The following PRSS23 variants were observed in gnomAD, a reference collection of about 807,000 sequenced individuals.
The protein encoded by PRSS23 is protease, serine 23.
In PRSS23, 25 loss-of-function variants were observed where a neutral mutation model predicts 34.7. The observed-to-expected ratio is 0.72, with a 90% CI of 0.53 to 1.01. The LOEUF is 1.01. PRSS23 is among the 50% of genes least tolerant of loss of function. PRSS23 has a pLI of 0.00. For missense variants in PRSS23, 445 were observed against 475.6 expected, an observed-to-expected ratio of 0.94 and a Z score of 0.60; for synonymous variants, 176 against 186.6, an observed-to-expected ratio of 0.94 and a Z score of 0.46.
rs201486686 is a variant in PRSS23 at position 86,809,038 on chromosome 11, T to TA, written c.*251dup. The TA allele has an allele frequency of 3.4e-5, 13 of 385,440 alleles. No homozygotes were observed. Among genetic ancestry groups the TA allele is most frequent in the South Asian group, 1.2e-4 (1 of 8,484 alleles). 23.9% of individuals were successfully genotyped at this position (385,440 alleles called of 1,614,324 possible). On this transcript the variant is annotated 3_prime_UTR_variant, in exon 2 of 2. Transcript: ENST00000280258. ...TTGAAGGCATACTTTTGCATAGAAA[T>TA]AAAAAAAATACTGATTTGGGGCAAT...
At position 86,835,825 on chromosome 11, in the gene PRSS23, G is replaced by T. The variant is rs540249200; in HGVS notation, c.206+12232G>T. 1.1e-3 allele frequency among the ~76,000 whole-genome samples: 174 copies of T among 152,300 alleles called. 2 individuals are homozygous for T. Among genetic ancestry groups the T allele is most frequent in the African/African-American group, 4.1e-3 (171 of 41,562 alleles). ...GAGGAAATTTAAGAGTGCTTGGGTG[G>T]CTTGATGGCACAAGGTTTCTGAACG... On this transcript the variant is annotated intron_variant, in intron 2 of 2. Coordinates refer to the PRSS23 transcript ENST00000533902.
At chr11:86,927,555 C>T (rs1281385083) in intron 2 of PRSS23, among the ~76,000 whole-genome samples, 1 of 152,026 alleles carries the variant, frequency 6.6e-6, no homozygotes, top group Non-Finnish European at 1.5e-5. Flanking sequence ...CTATATTGCC[C>T]AGTCTGGTCT....
At chr11:86,873,813 A>G (rs190948413) in intron 2 of PRSS23, among the ~76,000 whole-genome samples, 1 of 152,338 alleles carries the variant, frequency 6.6e-6, no homozygotes, top group Admixed American at 6.5e-5. Context: ...CGGACGGAAC[A>G]TGAGAGGCAT....
At chr11:86,880,115 G>A (rs1565375009) in intron 2 of PRSS23, among the ~76,000 whole-genome samples, 1 of 152,182 alleles carries the variant, frequency 6.6e-6, no homozygotes, top group Non-Finnish European at 1.5e-5. Context: ...AAATTCTTCT[G>A]CCTTGTGATC....
chr11:86,851,321 C>G (rs1252685419), intron 2 of PRSS23, among the ~76,000 whole-genome samples: 1 of 152,214 alleles, frequency 6.6e-6, no homozygotes, highest in Non-Finnish European at 1.5e-5. Flanking sequence ...GGGGCAGGGG[C>G]AAGGGAGAGA....
intron 2 of PRSS23, among the ~76,000 whole-genome samples, chr11:86,845,735 A>AT (rs140270349): frequency 0.017 from 2,543 of 152,264 alleles, 71 homozygotes; most frequent in African/African-American, 0.058. Flanking sequence ...CAGCAAAAAA[A>AT]TTTTGCTGTA....
chr11:86,880,450 AT>A (rs1446678078), intron 2 of PRSS23, among the ~76,000 whole-genome samples: 2 of 151,686 alleles, frequency 1.3e-5, no homozygotes, highest in Non-Finnish European at 1.5e-5. Context: ...AATAAAAAAA[AT>A]AAAAAAAATA....
chr11:86,832,302 C>G (rs1194468367), intron 2 of PRSS23, among the ~76,000 whole-genome samples: 1 of 152,028 alleles, frequency 6.6e-6, no homozygotes, highest in Non-Finnish European at 1.5e-5. Context: ...GGGTGTACAC[C>G]TGGGGATATT....
intron 2 of PRSS23, among the ~76,000 whole-genome samples, chr11:86,942,709 A>C (rs1009291824): frequency 1.3e-5 from 2 of 152,114 alleles, no homozygotes; most frequent in Non-Finnish European, 2.9e-5. Context: ...CTTAGCCTAA[A>C]GATGAAATGA....
intron 2 of PRSS23, among the ~76,000 whole-genome samples, chr11:86,886,233 G>A (rs566237576): frequency 9.2e-5 from 14 of 152,228 alleles, no homozygotes; most frequent in Non-Finnish European, 1.8e-4. Context: ...GTGCTTTTAG[G>A]AATATAGCCC....
chr11:86,894,560 A>T (rs1948862537), intron 2 of PRSS23, among the ~76,000 whole-genome samples: 1 of 152,092 alleles, frequency 6.6e-6, no homozygotes, highest in South Asian at 2.1e-4. Context: ...GTGTCAAGGG[A>T]CCAGTGCCTT....
chr11:86,890,378 A>G (rs1416938902), intron 2 of PRSS23, among the ~76,000 whole-genome samples: 1 of 152,218 alleles, frequency 6.6e-6, no homozygotes, highest in African/African-American at 2.4e-5. Flanking sequence ...AGCCATCTTT[A>G]TGCCAGAACA....
chr11:86,868,100 C>T (rs927079349), intron 2 of PRSS23, among the ~76,000 whole-genome samples: 3 of 151,900 alleles, frequency 2.0e-5, no homozygotes, highest in Admixed American at 6.6e-5. Context: ...GACATGGGAG[C>T]GAAAGGCTGA....
chr11:86,824,741 G>T (rs1162649401), intron 2 of PRSS23, among the ~76,000 whole-genome samples: 2 of 149,242 alleles, frequency 1.3e-5, no homozygotes, highest in East Asian at 3.9e-4. Context: ...TTGCTTTTTT[G>T]TTCTTGGGAT....
At chr11:86,834,475 G>C (rs554982770) in intron 2 of PRSS23, among the ~76,000 whole-genome samples, 7 of 151,384 alleles carry the variant, frequency 4.6e-5, no homozygotes, top group Non-Finnish European at 1.0e-4. Context: ...GGTTCTTTTG[G>C]CTTCAATATC....
intron 2 of PRSS23, among the ~76,000 whole-genome samples, chr11:86,907,616 C>T (rs1277270014): frequency 1.3e-5 from 2 of 152,086 alleles, no homozygotes; most frequent in East Asian, 3.9e-4. Flanking sequence ...TACACCACCA[C>T]GCCCAGATAA....
At chr11:86,866,944 C>A (rs1179710958) in intron 2 of PRSS23, among the ~76,000 whole-genome samples, 2 of 152,322 alleles carry the variant, frequency 1.3e-5, no homozygotes, top group Middle Eastern at 3.4e-3. Context: ...AACTTTCCAG[C>A]CATCAGAATC....
intron 2 of PRSS23, chr11:86,933,595 G>A (rs1474158571): frequency 6.6e-6 from 1 of 152,244 alleles, no homozygotes; most frequent in Non-Finnish European, 1.5e-5. Context: ...CAGATGCCAG[G>A]AGCCAGCTAG....
intron 2 of PRSS23, among the ~76,000 whole-genome samples, chr11:86,828,090 G>A (rs1948318520): frequency 6.6e-6 from 1 of 152,176 alleles, no homozygotes; most frequent in Non-Finnish European, 1.5e-5. Flanking sequence ...TGTTGACAGT[G>A]GAGTGTTAAA....
Sources: allele counts gnomAD v4.1 joint callset (sites outside exome capture counted in the v4.1 genomes callset), GRCh38; gene constraint gnomAD v4.1.1; transcripts MANE v1.5; gene names NCBI Gene and HGNC (gene_info 2026-07-23, HGNC 2026-07-21).